STK24: variants seen among roughly 807,000 people sequenced by gnomAD.
STK24 encodes serine/threonine-protein kinase 24.
A neutral mutation model predicts 55.6 loss-of-function variants in STK24; 21 were observed. The observed-to-expected ratio is 0.38, with a 90% CI of 0.27 to 0.54. The LOEUF (loss-of-function observed/expected upper bound fraction) is 0.54. Among genes scored for constraint, STK24 ranks in the 20% least tolerant of loss-of-function variants. The pLI is 0.79. For synonymous variants in STK24, 200 were observed against 215.2 expected (o/e 0.93, Z 0.62); for missense variants, 383 against 538.4 (o/e 0.71, Z 2.86).
intron 9 of STK24, among the ~76,000 whole-genome samples, chr13:98,459,854 A>C (rs1425012265): frequency 6.6e-6 from 1 of 152,198 alleles, no homozygotes; most frequent in Non-Finnish European, 1.5e-5. Flanking sequence ...AAAATCTCTC[A>C]AAACACGGCC....
chr13:98,480,363 C>T (rs1252664464), intron 3 of STK24, among the ~76,000 whole-genome samples: 1 of 152,140 alleles, frequency 6.6e-6, no homozygotes, highest in Non-Finnish European at 1.5e-5. Context: ...TTCGTATATG[C>T]TACAAATGAA....
chr13:98,531,812 C>G (rs1896586628), intron 1 of STK24, among the ~76,000 whole-genome samples: 1 of 152,156 alleles, frequency 6.6e-6, no homozygotes, highest in Admixed American at 6.5e-5. Flanking sequence ...ATCGTCCCCA[C>G]AATGGCCTCT....
intron 1 of STK24, among the ~76,000 whole-genome samples, chr13:98,558,158 G>A (rs1283283945): frequency 6.6e-6 from 1 of 152,182 alleles, no homozygotes; most frequent in Non-Finnish European, 1.5e-5. Flanking sequence ...TGCCAGCACT[G>A]CACCAGACGT....
At chr13:98,497,956 G>A (rs1895309258) in intron 2 of STK24, among the ~76,000 whole-genome samples, 1 of 152,164 alleles carries the variant, frequency 6.6e-6, no homozygotes, top group Non-Finnish European at 1.5e-5. Flanking sequence ...TCACTTCAGG[G>A]AGTCCCAAGC....
Position 98,563,657 on chromosome 13 carries a change from G to A in STK24, c.42+13088C>T, listed in dbSNP as rs570133918. ...GCGGATCACGAGGTCAGGAGATCGA[G>A]ACCATCCTGGCTAACATGGTGAAAC... On this transcript the variant is annotated intron_variant, in intron 1 of 10. Transcript: ENST00000539966. 3.3e-3 allele frequency among the ~76,000 whole-genome samples: 508 copies of A among 152,154 alleles called. 4 individuals are homozygous for A. Among genetic ancestry groups the A allele is most frequent in the African/African-American group, 0.012 (479 of 41,486 alleles).
rs1489235844 is a variant in STK24 at position 98,445,704 on chromosome 13, C to T, written c.*7469G>A. The T allele has an allele frequency of 3.2e-5, 5 of 157,714 alleles. No homozygotes were observed. The highest frequency in any genetic ancestry group is 9.6e-5 in the African/African-American group (4 of 41,624). 9.8% of individuals were successfully genotyped at this position (157,714 alleles called of 1,614,324 possible). ...TCGGTGTCACAGGGCACACCCCTCTCCCCTCAAGGTGGCTCTTCTCCTCAG... is the reference window on the plus strand; with the variant it reads ...TCGGTGTCACAGGGCACACCCCTCTTCCCTCAAGGTGGCTCTTCTCCTCAG... On this transcript the variant is annotated 3_prime_UTR_variant, in exon 11 of 11. Transcript: ENST00000539966.
intron 5 of STK24, among the ~76,000 whole-genome samples, chr13:98,470,306 C>T (rs962702754): frequency 5.6e-4 from 84 of 149,986 alleles, no homozygotes; most frequent in Non-Finnish European, 1.1e-3. Context: ...AGGTGGGAGT[C>T]GGGGGGGCAA....
chr13:98,552,131 T>A (rs1302246270), intron 1 of STK24, among the ~76,000 whole-genome samples: 1 of 152,254 alleles, frequency 6.6e-6, no homozygotes, highest in African/African-American at 2.4e-5. Flanking sequence ...GCTTCTGTAT[T>A]GTCTAATTTT....
At chr13:98,535,862 C>A (rs1412399710) in intron 1 of STK24, among the ~76,000 whole-genome samples, 3 of 152,154 alleles carry the variant, frequency 2.0e-5, no homozygotes, top group Admixed American at 2.0e-4. Context: ...CACTAGAATG[C>A]CAGGAGTAAA....
At chr13:98,538,132 CTTCCT>C (rs1896786182) in intron 1 of STK24, among the ~76,000 whole-genome samples, 1 of 151,894 alleles carries the variant, frequency 6.6e-6, no homozygotes, top group South Asian at 2.1e-4. Flanking sequence ...ACTTCCAGAA[CTTCCT>C]TCCCAAGAAC....
At chr13:98,503,560 C>A (rs913562022) in intron 2 of STK24, among the ~76,000 whole-genome samples, 1 of 152,182 alleles carries the variant, frequency 6.6e-6, no homozygotes, top group African/African-American at 2.4e-5. Context: ...CTGCGGACAG[C>A]TTCACGTTCC....
In STK24 at chr13:98,448,176, C is replaced by T. The variant is rs996972452; in HGVS notation, c.*4997G>A. On this transcript the variant is annotated 3_prime_UTR_variant, in exon 11 of 11. Coordinates refer to ENST00000539966, the MANE Select transcript of STK24 (RefSeq NM_001032296.4). ...CTTGTGTTTCTGTAAGCGATGCCCA[C>T]CAAAGTGTCAGGAGTCCGTCCAAAC... The T allele has an allele frequency of 1.4e-6, 2 of 1,423,398 alleles. No homozygotes were observed. The highest frequency in any genetic ancestry group is 1.4e-5 in the African/African-American group (1 of 70,314). 88.2% of individuals were successfully genotyped at this position (1,423,398 alleles called of 1,614,324 possible). A position where few individuals can be genotyped will look rare whatever the true frequency, so the allele number is the denominator to read the frequency against.
At chr13:98,571,125 C>T (rs1307829036) in intron 1 of STK24, among the ~76,000 whole-genome samples, 1 of 152,150 alleles carries the variant, frequency 6.6e-6, no homozygotes, top group Non-Finnish European at 1.5e-5. Context: ...AGGAGACCAT[C>T]GGACGCCTGG....
intron 2 of STK24, among the ~76,000 whole-genome samples, chr13:98,502,872 C>G (rs1468770752): frequency 1.3e-5 from 2 of 152,062 alleles, no homozygotes; most frequent in African/African-American, 4.8e-5. Flanking sequence ...CACTGGGAAT[C>G]CTAATTTCTT....
At chr13:98,538,850 G>A (rs759645146) in intron 1 of STK24, among the ~76,000 whole-genome samples, 3 of 152,156 alleles carry the variant, frequency 2.0e-5, no homozygotes, top group East Asian at 1.9e-4. Context: ...CTTGCTCCTC[G>A]GTGAGGCCCA....
Position 98,466,535 on chromosome 13 carries a change from T to TA in STK24, c.623_624insT (p.Ala209SerfsTer3). 1 of 1,614,024 alleles carries TA rather than the reference T, an allele frequency of 6.2e-7. No homozygotes were observed. The highest frequency in any genetic ancestry group is 8.5e-7 in the Non-Finnish European group (1 of 1,180,018). On this transcript the variant is annotated frameshift_variant, in exon 6 of 11. Transcript: ENST00000539966. LOFTEE classifies it high-confidence loss of function. Reference sequence around the variant, plus strand: ...GTTCCCCTCTTGCAAGTTCAATAGCTGTTATGCCCAGGGACCAGATGTCTG... The same window carrying TA: ...GTTCCCCTCTTGCAAGTTCAATAGCTAGTTATGCCCAGGGACCAGATGTCTG...
At chr13:98,512,001 C>T (rs563911877) in intron 2 of STK24, among the ~76,000 whole-genome samples, 55 of 151,076 alleles carry the variant, frequency 3.6e-4, no homozygotes, top group African/African-American at 1.3e-3. Context: ...TCTCGTGCCT[C>T]GGCCTCCCAA....
intron 1 of STK24, among the ~76,000 whole-genome samples, chr13:98,554,138 GT>G (rs1050345159): frequency 7.3e-5 from 11 of 151,214 alleles, no homozygotes; most frequent in African/African-American, 1.2e-4. Context: ...TCCTGGTGCA[GT>G]TTTTTTTCTT....
chr13:98,548,767 C>A (rs1897089955), intron 1 of STK24, among the ~76,000 whole-genome samples: 1 of 145,002 alleles, frequency 6.9e-6, no homozygotes, highest in South Asian at 2.1e-4. Flanking sequence ...GAGGCTGAGG[C>A]AGGAGAATCA....
Sources: gnomAD v4.1 joint callset for allele counts (sites outside exome capture counted in the v4.1 genomes callset) on GRCh38, gnomAD v4.1.1 for gene constraint, MANE v1.5 for transcripts, NCBI Gene and HGNC (gene_info 2026-07-23, HGNC 2026-07-21) for gene names.